Variants in LRRFIP2 observed in about 807,000 individuals in gnomAD.
The protein encoded by LRRFIP2 is LRR binding FLII interacting protein 2, also known as leucine-rich repeat flightless-interacting protein 2.
LRRFIP2 carries 109 observed loss-of-function variants against 125.9 expected under a neutral mutation model. The observed-to-expected ratio is 0.87, with a 90% CI of 0.74 to 1.01. The LOEUF (loss-of-function observed/expected upper bound fraction) is 1.01, where lower values mean the gene tolerates loss of function less well. LRRFIP2 is among the 50% of genes least tolerant of loss of function. The pLI, the probability that LRRFIP2 is intolerant of heterozygous loss-of-function variation, is 0.00. For synonymous variants in LRRFIP2, 291 were observed against 293.1 expected, an observed-to-expected ratio of 0.99 and a Z score of 0.07; for missense variants, 850 against 862.3, an observed-to-expected ratio of 0.99 and a Z score of 0.18.
At chr3:37,097,463 T>A (rs927312458) in intron 15 of LRRFIP2, among the ~76,000 whole-genome samples, 8 of 152,194 alleles carry the variant, frequency 5.3e-5, no homozygotes, top group African/African-American at 1.7e-4. Context: ...GCTCTCTTTC[T>A]ATAATGTAAG....
intron 21 of LRRFIP2, 139 bp from the exon 22 acceptor site, chr3:37,066,464 A>C (rs1479293358): frequency 1.4e-6 from 1 of 691,474 alleles, no homozygotes; most frequent in African/African-American, 1.8e-5. Context: ...GGAAACAAAC[A>C]GTCAGATATG....
intron 1 of LRRFIP2, among the ~76,000 whole-genome samples, chr3:37,165,059 C>T (rs1351145128): frequency 6.6e-6 from 1 of 151,654 alleles, no homozygotes; most frequent in Admixed American, 6.6e-5. Context: ...CATGGTGAAA[C>T]CCCATCTCTA....
At chr3:37,157,776 C>A (rs755967357) in intron 1 of LRRFIP2, among the ~76,000 whole-genome samples, 3 of 152,094 alleles carry the variant, frequency 2.0e-5, no homozygotes, top group Non-Finnish European at 4.4e-5. Flanking sequence ...ATGCTAAACA[C>A]AAACTAAATG....
intron 18 of LRRFIP2, among the ~76,000 whole-genome samples, chr3:37,088,536 A>G (rs769086248): frequency 1.3e-4 from 20 of 151,512 alleles, no homozygotes; most frequent in Non-Finnish European, 2.5e-4. Flanking sequence ...GAAGGGGTCA[A>G]GCATGGTGGC....
chr3:37,157,449 G>C (rs2096231839), intron 1 of LRRFIP2, among the ~76,000 whole-genome samples: 1 of 151,606 alleles, frequency 6.6e-6, no homozygotes, highest in South Asian at 2.1e-4. Flanking sequence ...TCTCAAAAAA[G>C]TAAGATAAAA....
chr3:37,089,792 T>C (rs1376991152), intron 18 of LRRFIP2, among the ~76,000 whole-genome samples: 4 of 152,240 alleles, frequency 2.6e-5, no homozygotes, highest in Non-Finnish European at 5.9e-5. Flanking sequence ...AATATATTTA[T>C]TTAATGTACC....
chr3:37,134,875 T>A (rs1577213370), intron 2 of LRRFIP2: 1 of 1,265,696 alleles, frequency 7.9e-7, no homozygotes, highest in Admixed American at 1.7e-5. Context: ...ACAACAAGGA[T>A]TTGTCATCCA....
intron 12 of LRRFIP2, among the ~76,000 whole-genome samples, chr3:37,108,389 T>C (rs1407993857): frequency 6.6e-6 from 1 of 152,158 alleles, no homozygotes; most frequent in African/African-American, 2.4e-5. Context: ...GAAAAGTGGT[T>C]TTTCTATGCA....
At chr3:37,076,677 A>G (rs1423015635) in intron 19 of LRRFIP2, among the ~76,000 whole-genome samples, 2 of 151,978 alleles carry the variant, frequency 1.3e-5, no homozygotes, top group African/African-American at 4.8e-5. Context: ...GACCAGCCTG[A>G]CCAACATAGA....
chr3:37,129,239 C>G, intron 2 of LRRFIP2, 90 bp from the exon 3 acceptor site: 2 of 1,063,048 alleles, frequency 1.9e-6, no homozygotes, highest in South Asian at 2.6e-5. Context: ...GACATTACCA[C>G]GCAAAAGGGG....
intron 18 of LRRFIP2, among the ~76,000 whole-genome samples, chr3:37,088,798 C>T (rs1160892248): frequency 6.6e-6 from 1 of 150,934 alleles, no homozygotes; most frequent in Non-Finnish European, 1.5e-5. Flanking sequence ...GACCTTGTCT[C>T]TAAAAAAAAA....
At chr3:37,135,527 T>A (rs1408791001) in intron 2 of LRRFIP2, among the ~76,000 whole-genome samples, 1 of 152,010 alleles carries the variant, frequency 6.6e-6, no homozygotes, top group Non-Finnish European at 1.5e-5. Context: ...ATTTCTACAT[T>A]AGATACTTCC....
intron 18 of LRRFIP2, among the ~76,000 whole-genome samples, chr3:37,090,140 C>T (rs919002388): frequency 6.6e-6 from 1 of 152,132 alleles, no homozygotes; most frequent in African/African-American, 2.4e-5. Context: ...TATGCTTTGT[C>T]CTTTGGATAT....
At chr3:37,123,471 G>A (rs1023679188) in intron 4 of LRRFIP2, among the ~76,000 whole-genome samples, 2 of 152,218 alleles carry the variant, frequency 1.3e-5, no homozygotes. Context: ...TTACAGGCAT[G>A]AGCCACCATG....
intron 24 of LRRFIP2, among the ~76,000 whole-genome samples, chr3:37,062,014 A>G (rs2088891498): frequency 6.6e-6 from 1 of 152,132 alleles, no homozygotes. Flanking sequence ...GTGTTCCTGA[A>G]TATCTCCCGA....
chr3:37,058,993 A>G, intron 24 of LRRFIP2, 83 bp from the exon 25 acceptor site: 1 of 1,557,248 alleles, frequency 6.4e-7, no homozygotes, highest in East Asian at 2.3e-5. Context: ...ATCATAGAAC[A>G]AAGCAGACCC....
At chr3:37,134,134 ATGGCACCACTGCACTCTAGCC>A (rs2095498111) in intron 2 of LRRFIP2, among the ~76,000 whole-genome samples, 1 of 150,220 alleles carries the variant, frequency 6.7e-6, no homozygotes, top group East Asian at 2.0e-4. Flanking sequence ...GTGAGCCGAG[ATGGCACCACTGCACTCTAGCC>A]TGGGCAGCAG....
chr3:37,129,114 C>A lies in LRRFIP2; in HGVS notation c.126G>T (p.Arg42=). The A allele has an allele frequency of 1.2e-6, 2 of 1,613,986 alleles. No homozygotes were observed. The highest frequency in any genetic ancestry group is 1.7e-6 in the Non-Finnish European group (2 of 1,180,008). ...EARLAAKRAA[R]AEARDIRMRE... is the part of the protein sequence containing the mutation. ...TCATGCGTATATCTCTTGCTTCTGCCCGGGCAGCCCGTTTTGCTGCCAGCC... is the reference window on the plus strand; with the variant it reads ...TCATGCGTATATCTCTTGCTTCTGCACGGGCAGCCCGTTTTGCTGCCAGCC... The change falls in exon 3 of 28, where the codon CGG becomes CGT. Residue 42 remains arginine, a synonymous_variant. Transcript: ENST00000336686.
chr3:37,149,593 A>C (rs1396588914), intron 1 of LRRFIP2, among the ~76,000 whole-genome samples: 1 of 152,250 alleles, frequency 6.6e-6, no homozygotes, highest in Non-Finnish European at 1.5e-5. Context: ...AAAACATTTC[A>C]GAAGTTATTC....
Sources: gnomAD v4.1 joint callset for allele counts (sites outside exome capture counted in the v4.1 genomes callset) on GRCh38, gnomAD v4.1.1 for gene constraint, MANE v1.5 for transcripts, NCBI Gene and HGNC (gene_info 2026-07-23, HGNC 2026-07-21) for gene names.